Variants in MTUS1 observed in about 807,000 individuals in gnomAD.
MTUS1 encodes microtubule associated scaffold protein 1, also known as microtubule-associated tumor suppressor 1.
A neutral mutation model predicts 120.8 loss-of-function variants in MTUS1; 109 were observed. That is an observed-to-expected ratio of 0.90 (90% confidence interval 0.77 to 1.06). The LOEUF (loss-of-function observed/expected upper bound fraction) is 1.06. Ranked by LOEUF, MTUS1 falls within the 50% of genes least tolerant of loss-of-function variation. MTUS1 has a pLI of 0.00. For synonymous variants in MTUS1, 737 were observed against 550.5 expected (o/e 1.34, Z -4.74); for missense variants, 2,210 against 1,486.3 (o/e 1.49, Z -8.01).
chr8:17,730,468 G>C (rs767750160), intron 3 of MTUS1, among the ~76,000 whole-genome samples: 2 of 138,318 alleles, frequency 1.4e-5, no homozygotes, highest in Non-Finnish European at 3.0e-5. Context: ...CTGGGCAAGA[G>C]AGCAAGACTC....
intron 5 of MTUS1, among the ~76,000 whole-genome samples, chr8:17,713,786 C>A (rs1014092889): frequency 1.3e-5 from 2 of 152,164 alleles, no homozygotes; most frequent in African/African-American, 4.8e-5. Flanking sequence ...TTCTACTTAA[C>A]ATGAAATAGT....
At chr8:17,730,704 C>T (rs149430823) in intron 3 of MTUS1, among the ~76,000 whole-genome samples, 1,724 of 152,198 alleles carry the variant, frequency 0.011, 12 homozygotes, top group South Asian at 0.029. Flanking sequence ...CTTGAGGACA[C>T]GGTGCTAAGT....
At chr8:17,714,027 A>C (rs1338406523) in intron 5 of MTUS1, among the ~76,000 whole-genome samples, 1 of 152,196 alleles carries the variant, frequency 6.6e-6, no homozygotes, top group African/African-American at 2.4e-5. Context: ...CATTCTCTGC[A>C]AGTTATTTTA....
chr8:17,760,337 TCTC>T (rs1456619320), intron 1 of MTUS1, among the ~76,000 whole-genome samples: 2 of 152,178 alleles, frequency 1.3e-5, no homozygotes, highest in African/African-American at 4.8e-5. Context: ...TTTACTGACA[TCTC>T]TTCTACTTTG....
chr8:17,673,863 G>C (rs1483683076), intron 8 of MTUS1, among the ~76,000 whole-genome samples: 2 of 152,118 alleles, frequency 1.3e-5, no homozygotes, highest in African/African-American at 4.8e-5. Flanking sequence ...GTGTGGTCTT[G>C]TCCAAAAGAA....
rs530687496 is a variant in MTUS1, at chr8:17,673,228, C to A, written c.2905+1958G>T. ...GCAGAAAGCCTGCAAAGTCTGAGAGCTGGGCTGTCTCTCAGCTGGGATTTC... is the reference window on the plus strand; with the variant it reads ...GCAGAAAGCCTGCAAAGTCTGAGAGATGGGCTGTCTCTCAGCTGGGATTTC... On this transcript the variant is annotated intron_variant, in intron 8 of 14. Transcript: ENST00000693296. 8.5e-5 allele frequency among the ~76,000 whole-genome samples: 13 copies of A among 152,354 alleles called. 1 individual carries two copies. In the East Asian group the frequency reaches 2.5e-3, roughly 29 times the overall value.
At chr8:17,792,774 G>C (rs2051907076) in intron 1 of MTUS1, among the ~76,000 whole-genome samples, 1 of 152,296 alleles carries the variant, frequency 6.6e-6, no homozygotes, top group African/African-American at 2.4e-5. Context: ...TATGGCATGA[G>C]AATCACTTAA....
chr8:17,695,141 C>T (rs930326398), intron 6 of MTUS1, among the ~76,000 whole-genome samples: 6 of 152,138 alleles, frequency 3.9e-5, no homozygotes, highest in East Asian at 1.9e-4. Flanking sequence ...GACGATTTCT[C>T]GGACGTTAAA....
intron 12 of MTUS1, among the ~76,000 whole-genome samples, chr8:17,652,605 A>G (rs1356480782): frequency 6.6e-6 from 1 of 152,066 alleles, no homozygotes; most frequent in African/African-American, 2.4e-5. Context: ...ATATACTAAA[A>G]GCCACTGAAT....
chr8:17,668,865 C>T (rs1209280467), intron 8 of MTUS1, among the ~76,000 whole-genome samples: 1 of 152,170 alleles, frequency 6.6e-6, no homozygotes, highest in African/African-American at 2.4e-5. Context: ...GTCTGCTGTT[C>T]CCCTCTTTGT....
chr8:17,684,704 G>A (rs974642368), intron 6 of MTUS1, among the ~76,000 whole-genome samples, 162 bp from the exon 7 acceptor site: 1 of 152,208 alleles, frequency 6.6e-6, no homozygotes, highest in Non-Finnish European at 1.5e-5. Flanking sequence ...CGGAGATCTA[G>A]ACGGTTGGAA....
At chr8:17,717,056 T>C (rs1822476449) in intron 4 of MTUS1, among the ~76,000 whole-genome samples, 1 of 152,214 alleles carries the variant, frequency 6.6e-6, no homozygotes, top group East Asian at 1.9e-4. Flanking sequence ...GCTAACCTAT[T>C]CCAACTGCTA....
At chr8:17,679,150 A>C (rs1173204801) in intron 7 of MTUS1, among the ~76,000 whole-genome samples, 1 of 152,066 alleles carries the variant, frequency 6.6e-6, no homozygotes, top group Non-Finnish European at 1.5e-5. Flanking sequence ...CCCATAATCG[A>C]AGGCTCTAAA....
intron 3 of MTUS1, among the ~76,000 whole-genome samples, chr8:17,737,575 AC>A (rs959787172): frequency 9.2e-5 from 14 of 152,176 alleles, no homozygotes; most frequent in African/African-American, 3.4e-4. Flanking sequence ...TGAACCCTCA[AC>A]CACTTGGGTT....
chr8:17,743,013 C>T (rs893023631), intron 3 of MTUS1, among the ~76,000 whole-genome samples: 6 of 152,172 alleles, frequency 3.9e-5, no homozygotes, highest in Admixed American at 3.3e-4. Flanking sequence ...CTTTGTAACA[C>T]AGATCTGTAC....
intron 6 of MTUS1, among the ~76,000 whole-genome samples, chr8:17,699,310 C>T (rs1048222946): frequency 1.5e-4 from 23 of 152,122 alleles, no homozygotes; most frequent in South Asian, 2.1e-4. Flanking sequence ...CTCTGCCTCC[C>T]GGGTTCAAGT....
intron 3 of MTUS1, among the ~76,000 whole-genome samples, chr8:17,731,533 C>T (rs2046579815): frequency 1.3e-5 from 2 of 151,608 alleles, no homozygotes; most frequent in Admixed American, 6.6e-5. Flanking sequence ...TAAGATGAAA[C>T]CATAAAAAAA....
At chr8:17,786,254 G>C (rs2051293872) in intron 1 of MTUS1, among the ~76,000 whole-genome samples, 1 of 152,292 alleles carries the variant, frequency 6.6e-6, no homozygotes, top group East Asian at 1.9e-4. Flanking sequence ...CTAGGACAGA[G>C]GCACCCAAAG....
chr8:17,762,522 G>C (rs544786633), intron 1 of MTUS1, among the ~76,000 whole-genome samples: 1 of 152,136 alleles, frequency 6.6e-6, no homozygotes, highest in East Asian at 1.9e-4. Flanking sequence ...ACGTTTAACG[G>C]AGCATGTCTA....
Sources: gnomAD v4.1 joint callset for allele counts (sites outside exome capture counted in the v4.1 genomes callset) on GRCh38, gnomAD v4.1.1 for gene constraint, MANE v1.5 for transcripts, NCBI Gene and HGNC (gene_info 2026-07-23, HGNC 2026-07-21) for gene names.